Variants in DENND1A observed in about 807,000 individuals in gnomAD.
DENND1A encodes DENN domain containing 1A, also known as DENN domain-containing protein 1A.
A neutral mutation model predicts 113.7 loss-of-function variants in DENND1A; 51 were observed. The ratio of observed to expected loss-of-function variants is 0.45; its 90% confidence interval spans 0.36 to 0.57. DENND1A has a LOEUF of 0.57. Among genes scored for constraint, DENND1A ranks in the 20% least tolerant of loss-of-function variants. DENND1A has a pLI of 0.00. For synonymous variants in DENND1A, 565 were observed against 570.8 expected (o/e 0.99, Z 0.14); for missense variants, 1,258 against 1,395.9 (o/e 0.90, Z 1.57).
At chr9:123,688,524 TGATA>T (rs1476334809) in intron 5 of DENND1A, among the ~76,000 whole-genome samples, 1 of 152,180 alleles carries the variant, frequency 6.6e-6, no homozygotes, top group Non-Finnish European at 1.5e-5. Flanking sequence ...AGGAATGATC[TGATA>T]GAGGCAACAG....
At chr9:123,420,362 A>G (rs966284460) in intron 19 of DENND1A, among the ~76,000 whole-genome samples, 1 of 152,028 alleles carries the variant, frequency 6.6e-6, no homozygotes, top group African/African-American at 2.4e-5. Context: ...TGAACGGCAG[A>G]CTCCACAGTG....
At chr9:123,788,930 T>G (rs1275269265) in intron 3 of DENND1A, among the ~76,000 whole-genome samples, 3 of 152,220 alleles carry the variant, frequency 2.0e-5, no homozygotes, top group South Asian at 4.1e-4. Flanking sequence ...ATTAAAATTT[T>G]TCAAAAATAC....
chr9:123,632,069 C>T (rs539411194), intron 9 of DENND1A, among the ~76,000 whole-genome samples: 4 of 152,242 alleles, frequency 2.6e-5, no homozygotes, highest in South Asian at 4.1e-4. Flanking sequence ...GAAAGAGTGA[C>T]GTGCCAAGGC....
chr9:123,812,361 T>A (rs1836763706), intron 2 of DENND1A, among the ~76,000 whole-genome samples: 1 of 152,154 alleles, frequency 6.6e-6, no homozygotes, highest in African/African-American at 2.4e-5. Flanking sequence ...CTTTATTCTA[T>A]ATTAATAAGT....
intron 5 of DENND1A, among the ~76,000 whole-genome samples, chr9:123,715,088 G>A (rs958934056): frequency 1.3e-4 from 19 of 151,992 alleles, no homozygotes; most frequent in African/African-American, 4.6e-4. Flanking sequence ...GAGGCTGAGA[G>A]AGGGAGAATT....
intron 5 of DENND1A, among the ~76,000 whole-genome samples, chr9:123,745,845 T>C (rs1474222944): frequency 1.3e-5 from 2 of 152,154 alleles, no homozygotes. Flanking sequence ...TATATCATCA[T>C]ACAACACAGA....
chr9:123,568,163 G>C (rs1027161850), intron 12 of DENND1A, among the ~76,000 whole-genome samples: 2 of 152,164 alleles, frequency 1.3e-5, no homozygotes, highest in South Asian at 4.1e-4. Context: ...ATATTCTAGT[G>C]ACCTCTAGGC....
intron 1 of DENND1A, among the ~76,000 whole-genome samples, chr9:123,901,196 G>A (rs1851562365): frequency 6.6e-6 from 1 of 152,184 alleles, no homozygotes; most frequent in East Asian, 1.9e-4. Flanking sequence ...AGACTGGACT[G>A]GAAGAGTCAA....
At chr9:123,902,174 TACACAC>T (rs9299289) in intron 1 of DENND1A, among the ~76,000 whole-genome samples, 12,977 of 132,098 alleles carry the variant, frequency 0.098, 922 homozygotes, top group African/African-American at 0.21. Context: ...CACACACACA[TACACAC>T]ACACACACAC....
chr9:123,511,119 G>A (rs1225367875), intron 13 of DENND1A, among the ~76,000 whole-genome samples: 1 of 152,144 alleles, frequency 6.6e-6, no homozygotes, highest in Admixed American at 6.5e-5. Flanking sequence ...CAAGGCCCCA[G>A]ATATCCCCAC....
At chr9:123,752,610 C>G (rs890567216) in intron 5 of DENND1A, among the ~76,000 whole-genome samples, 1 of 152,182 alleles carries the variant, frequency 6.6e-6, no homozygotes, top group Non-Finnish European at 1.5e-5. Flanking sequence ...CTTTGAACTC[C>G]TGTGTTCCTT....
intron 9 of DENND1A, among the ~76,000 whole-genome samples, chr9:123,633,715 G>A (rs1372199046): frequency 6.6e-6 from 1 of 152,174 alleles, no homozygotes; most frequent in African/African-American, 2.4e-5. Flanking sequence ...GGCAGAGGTT[G>A]CAGTGGGCTG....
At chr9:123,432,332 G>T (rs1036557318) in intron 19 of DENND1A, among the ~76,000 whole-genome samples, 1 of 152,232 alleles carries the variant, frequency 6.6e-6, no homozygotes, top group Non-Finnish European at 1.5e-5. Context: ...GTGAGTGCAC[G>T]TGGAAAGACA....
chr9:123,804,053 T>C (rs1835134576), intron 2 of DENND1A, among the ~76,000 whole-genome samples: 1 of 152,254 alleles, frequency 6.6e-6, no homozygotes, highest in Non-Finnish European at 1.5e-5. Context: ...TCATCTTGAA[T>C]TGTAACTCCC....
chr9:123,828,873 CA>C (rs764241166), intron 2 of DENND1A, among the ~76,000 whole-genome samples: 2 of 152,086 alleles, frequency 1.3e-5, no homozygotes, highest in Non-Finnish European at 2.9e-5. Flanking sequence ...TCTGAGTTCC[CA>C]AAGATAGGGA....
At chr9:123,551,988 A>C (rs1381629277) in intron 13 of DENND1A, among the ~76,000 whole-genome samples, 2 of 148,276 alleles carry the variant, frequency 1.3e-5, no homozygotes, top group South Asian at 2.2e-4. Flanking sequence ...AAAGAGAGAG[A>C]GAGCGAGAGA....
intron 12 of DENND1A, among the ~76,000 whole-genome samples, chr9:123,561,174 C>T (rs1204541035): frequency 1.3e-5 from 2 of 152,230 alleles, no homozygotes; most frequent in African/African-American, 4.8e-5. Flanking sequence ...CTCACTTAAC[C>T]TTCCCTGGCC....
chr9:123,422,259 T>C lies in DENND1A; in HGVS notation c.1489-10430A>G, dbSNP rs932721749. 1.3e-5 allele frequency among the ~76,000 whole-genome samples: 2 copies of C among 152,222 alleles called. No individual in the cohort carries two copies. The highest frequency in any genetic ancestry group is 4.8e-5 in the African/African-American group (2 of 41,458). On this transcript the variant is annotated intron_variant, in intron 19 of 23. Coordinates refer to ENST00000394215, the MANE Select transcript of DENND1A (RefSeq NM_001352964.2). This position sits in a 1 kb window ranked among gnomAD's most constrained non-coding sequence, Gnocchi z 4.8. ...TGAATAATGCCAGACCCGCCAGTCA[T>C]TGTCCCCATGATTTGAGTTACTTTG...
At chr9:123,391,233 A>T (rs1016211780) in intron 21 of DENND1A, among the ~76,000 whole-genome samples, 43 of 152,336 alleles carry the variant, frequency 2.8e-4, no homozygotes, top group Middle Eastern at 3.4e-3. Context: ...TTTCCACAGG[A>T]GGCCTAGCTG....
Sources: gnomAD v4.1 joint callset for allele counts (sites outside exome capture counted in the v4.1 genomes callset) on GRCh38, gnomAD v4.1.1 for gene constraint, Gnocchi (gnomAD v3.1) non-coding constraint, MANE v1.5 for transcripts, NCBI Gene and HGNC (gene_info 2026-07-23, HGNC 2026-07-21) for gene names.